The following UVRAG variants were observed in gnomAD, a reference collection of about 807,000 sequenced individuals.
UVRAG encodes the protein UV radiation resistance associated.
A neutral mutation model predicts 78.0 loss-of-function variants in UVRAG; 19 were observed. The observed-to-expected ratio is 0.24, with a 90% CI of 0.17 to 0.36. The LOEUF (loss-of-function observed/expected upper bound fraction) is 0.36. UVRAG is among the 10% of genes least tolerant of loss of function. The probability of loss-of-function intolerance (pLI) is 1.00; values close to 1 mark genes in which losing one functional copy is unlikely to be tolerated. For missense variants in UVRAG, 740 were observed against 853.8 expected (o/e 0.87, Z 1.66); for synonymous variants, 323 against 324.6 (o/e 1.00, Z 0.05).
chr11:76,098,750 A>T (rs1951829021), intron 13 of UVRAG, among the ~76,000 whole-genome samples: 1 of 152,202 alleles, frequency 6.6e-6, no homozygotes, highest in South Asian at 2.1e-4. Context: ...GGAAATTTTA[A>T]TACACCTAAA....
At chr11:76,102,354 C>T (rs1034061521) in intron 13 of UVRAG, among the ~76,000 whole-genome samples, 2 of 152,090 alleles carry the variant, frequency 1.3e-5, no homozygotes, top group East Asian at 1.9e-4. Context: ...AATGGGATTA[C>T]GTTCCTGATT....
At chr11:76,045,898 A>G (rs964449768) in intron 12 of UVRAG, among the ~76,000 whole-genome samples, 2 of 152,192 alleles carry the variant, frequency 1.3e-5, no homozygotes, top group Non-Finnish European at 2.9e-5. Context: ...TTTCAAATGG[A>G]AAGAGTCGAG....
intron 13 of UVRAG, among the ~76,000 whole-genome samples, chr11:76,095,089 C>T (rs1429679153): frequency 1.3e-5 from 2 of 152,134 alleles, no homozygotes; most frequent in Middle Eastern, 3.2e-3. Flanking sequence ...TTGTACCTGA[C>T]GGTTCCCTCT....
intron 7 of UVRAG, among the ~76,000 whole-genome samples, chr11:75,961,825 A>T (rs191142388): frequency 4.7e-4 from 71 of 152,302 alleles, no homozygotes; most frequent in African/African-American, 1.6e-3. Context: ...TGTGAACTCT[A>T]AACATGAACT....
chr11:75,980,911 C>G (rs1046237114), intron 7 of UVRAG, among the ~76,000 whole-genome samples: 1 of 152,036 alleles, frequency 6.6e-6, no homozygotes, highest in Non-Finnish European at 1.5e-5. Context: ...AAACTCCTGA[C>G]TTCAGGTGAT....
At chr11:75,951,391 TG>T (rs767230203) in intron 6 of UVRAG, among the ~76,000 whole-genome samples, 1 of 151,966 alleles carries the variant, frequency 6.6e-6, no homozygotes, top group South Asian at 2.1e-4. Context: ...TTTGTTTGTT[TG>T]TTTTTTTGAG....
intron 13 of UVRAG, among the ~76,000 whole-genome samples, chr11:76,080,999 T>C (rs545597369): frequency 6.6e-6 from 1 of 152,318 alleles, no homozygotes; most frequent in East Asian, 1.9e-4. Flanking sequence ...ATGCTAACTT[T>C]TCTAAACTGC....
chr11:75,910,490 C>G (rs1041610347), intron 5 of UVRAG, among the ~76,000 whole-genome samples: 54 of 150,818 alleles, frequency 3.6e-4, no homozygotes, highest in Non-Finnish European at 6.5e-4. Flanking sequence ...ACTCTCCCCA[C>G]CCCCCACTTT....
intron 12 of UVRAG, among the ~76,000 whole-genome samples, chr11:76,038,486 T>C (rs1950581733): frequency 6.6e-6 from 1 of 152,238 alleles, no homozygotes; most frequent in African/African-American, 2.4e-5. Context: ...AGGACTTATG[T>C]ACATAAGTTA....
At chr11:75,868,072 G>T (rs753388478) in intron 3 of UVRAG, among the ~76,000 whole-genome samples, 12 of 152,194 alleles carry the variant, frequency 7.9e-5, no homozygotes, top group Non-Finnish European at 1.6e-4. Flanking sequence ...TGGTGAGTGG[G>T]ACTATGTTGG....
At chr11:75,985,320 T>G (rs1949478343) in intron 8 of UVRAG, among the ~76,000 whole-genome samples, 1 of 152,096 alleles carries the variant, frequency 6.6e-6, no homozygotes, top group African/African-American at 2.4e-5. Context: ...TTTATAAACA[T>G]TTCATATGCT....
At chr11:76,061,089 C>T (rs1035943551) in intron 12 of UVRAG, among the ~76,000 whole-genome samples, 1 of 152,124 alleles carries the variant, frequency 6.6e-6, no homozygotes, top group Non-Finnish European at 1.5e-5. Flanking sequence ...ATACACCAGT[C>T]GGCACTCTGT....
chr11:76,102,968 A>C (rs1233386027), intron 13 of UVRAG, among the ~76,000 whole-genome samples: 1 of 152,080 alleles, frequency 6.6e-6, no homozygotes, highest in African/African-American at 2.4e-5. Flanking sequence ...AGCTCATCTA[A>C]ATTGTTGGCA....
intron 11 of UVRAG, among the ~76,000 whole-genome samples, chr11:76,011,154 T>A (rs2135354472): frequency 6.6e-6 from 1 of 152,320 alleles, no homozygotes; most frequent in Non-Finnish European, 1.5e-5. Flanking sequence ...CTGAATACAG[T>A]CTCCCTACCC....
At chr11:76,092,364 G>C (rs1234130287) in intron 13 of UVRAG, among the ~76,000 whole-genome samples, 2 of 152,094 alleles carry the variant, frequency 1.3e-5, no homozygotes, top group Admixed American at 1.3e-4. Flanking sequence ...GTAATAGGAT[G>C]GCTGGGTCAA....
intron 3 of UVRAG, among the ~76,000 whole-genome samples, chr11:75,877,073 G>A (rs1946801375): frequency 6.6e-6 from 1 of 151,296 alleles, no homozygotes; most frequent in Non-Finnish European, 1.5e-5. Flanking sequence ...CTGCCTTCAA[G>A]CATCTGTTTA....
chr11:76,043,071 G>T (rs1950681204), intron 12 of UVRAG, among the ~76,000 whole-genome samples: 1 of 152,186 alleles, frequency 6.6e-6, no homozygotes, highest in Non-Finnish European at 1.5e-5. Flanking sequence ...GGAAGGGGGA[G>T]TCCCTGAATT....
chr11:76,061,556 C>T (rs547210003), intron 12 of UVRAG, among the ~76,000 whole-genome samples: 2 of 151,256 alleles, frequency 1.3e-5, no homozygotes, highest in African/African-American at 4.9e-5. Flanking sequence ...CTCCTGAAGC[C>T]AGCGAGACCA....
At chr11:75,837,623 A>C (rs1945814943) in intron 1 of UVRAG, 1 of 152,150 alleles carries the variant, frequency 6.6e-6, no homozygotes, top group African/African-American at 2.4e-5. Flanking sequence ...CTAGTTGTGA[A>C]CACAACTGCA....
Sources: gnomAD v4.1 joint callset for allele counts (sites outside exome capture counted in the v4.1 genomes callset) on GRCh38, gnomAD v4.1.1 for gene constraint, MANE v1.5 for transcripts, NCBI Gene and HGNC (gene_info 2026-07-23, HGNC 2026-07-21) for gene names.